Variants in GMPR observed in about 807,000 individuals in gnomAD.
GMPR encodes GMP reductase 1.
GMPR carries 31 observed loss-of-function variants against 38.4 expected under a neutral mutation model. That is an observed-to-expected ratio of 0.81 (90% CI 0.61 to 1.09). The LOEUF (loss-of-function observed/expected upper bound fraction) is 1.09. GMPR is among the 50% of genes least tolerant of loss of function. The pLI is 0.00. For missense variants in GMPR, 468 were observed against 453.7 expected, an observed-to-expected ratio of 1.03 and a Z score of -0.29; for synonymous variants, 162 against 173.3, an observed-to-expected ratio of 0.93 and a Z score of 0.51.
At chr6:16,288,158 T>C (rs557509509) in intron 7 of GMPR, among the ~76,000 whole-genome samples, 18 of 152,364 alleles carry the variant, frequency 1.2e-4, no homozygotes, top group African/African-American at 4.1e-4. Flanking sequence ...TTGGCAGCAC[T>C]TGAGGAGCCC....
At chr6:16,244,125 T>C (rs1371855607) in intron 1 of GMPR, among the ~76,000 whole-genome samples, 1 of 151,818 alleles carries the variant, frequency 6.6e-6, no homozygotes, top group African/African-American at 2.4e-5. Flanking sequence ...GGTAGGAGGT[T>C]AGAACCTATT....
rs1332210064 is a variant in GMPR, at chr6:16,290,569, A to G, written c.805A>G (p.Met269Val). 1 of 1,614,032 alleles carries G rather than the reference A, an allele frequency of 6.2e-7. No homozygotes were observed. The highest frequency in any genetic ancestry group is 8.5e-7 in the Non-Finnish European group (1 of 1,180,008). ...ACGGAAGCTCAAGCTCTTCTACGGG[A>G]TGAGCTCTGACACCGCCATGAACAA... ...NGRKLKLFYG[M>V]SSDTAMNKHA... The change falls in exon 8 of 9, where the codon ATG becomes GTG. Residue 269 changes from methionine (M) to valine (V), a missense_variant. Met to Val is a conservative substitution (Grantham distance 21). Transcript: ENST00000259727.
chr6:16,246,823 C>CTTTTTTTTT lies in GMPR; in HGVS notation c.88-18_88-10dup. ...CACTCATTTCTTTCCCTTTTTCTTT[C>CTTTTTTTTT]TTTTTTTTTGGCCAACAGGTGGATC... On this transcript the variant is annotated intron_variant, in intron 1 of 8. Transcript: ENST00000259727. 1 of 1,571,006 alleles carries CTTTTTTTTT rather than the reference C, an allele frequency of 6.4e-7. No individual in the cohort carries two copies. The highest frequency in any genetic ancestry group is 1.8e-5 in the Admixed American group (1 of 56,650).
intron 1 of GMPR, among the ~76,000 whole-genome samples, chr6:16,240,377 T>C (rs1459107276): frequency 6.6e-6 from 1 of 152,080 alleles, no homozygotes; most frequent in Non-Finnish European, 1.5e-5. Flanking sequence ...TCTACAAAAA[T>C]TTAAAAAATC....
Position 16,290,540 on chromosome 6 carries a change from A to G in GMPR, c.776A>G (p.Asn259Ser). The G allele has an allele frequency of 3.7e-6, 6 of 1,614,032 alleles. No homozygotes were observed. The African/African-American group carries it at 6.7e-5, about 18-fold the overall frequency. The change falls in exon 8 of 9, where the codon AAC becomes AGC. Residue 259 changes from asparagine to serine, a missense_variant. Coordinates refer to ENST00000259727, the MANE Select transcript of GMPR (RefSeq NM_006877.4). ...TGTGCTGGAGAAGTGTTTGAGAGGAACGGACGGAAGCTCAAGCTCTTCTAC... is the reference window on the plus strand; with the variant it reads ...TGTGCTGGAGAAGTGTTTGAGAGGAGCGGACGGAAGCTCAAGCTCTTCTAC... The part of the protein sequence containing the change: ...TECAGEVFER[N>S]GRKLKLFYGM...
intron 7 of GMPR, among the ~76,000 whole-genome samples, chr6:16,288,296 C>T (rs546793613): frequency 2.0e-5 from 3 of 152,220 alleles, no homozygotes; most frequent in Non-Finnish European, 4.4e-5. Flanking sequence ...GAGGCGCTTG[C>T]GGGCCAGCTG....
intron 7 of GMPR, 26 bp downstream of exon 7, chr6:16,285,861 G>C (rs1185273780): frequency 1.3e-6 from 2 of 1,591,248 alleles, no homozygotes; most frequent in African/African-American, 2.7e-5. Context: ...GGTGCAGAGG[G>C]AGGGAAGGAA....
intron 4 of GMPR, among the ~76,000 whole-genome samples, chr6:16,272,707 G>T (rs1473567556): frequency 2.6e-5 from 4 of 152,178 alleles, no homozygotes; most frequent in African/African-American, 9.7e-5. Flanking sequence ...TTATAGGTTT[G>T]TAAGAGCTCT....
chr6:16,288,635 A>G (rs1051455060), intron 7 of GMPR, among the ~76,000 whole-genome samples: 2 of 152,210 alleles, frequency 1.3e-5, no homozygotes, highest in African/African-American at 4.8e-5. Flanking sequence ...AGGGCTGAGG[A>G]GTGCAGGCGC....
chr6:16,258,980 AGTT>A (rs1156790596), intron 4 of GMPR: 2 of 152,196 alleles, frequency 1.3e-5, no homozygotes, highest in Non-Finnish European at 2.9e-5. Context: ...CCCTGTGCCC[AGTT>A]TCTCCTGGTT....
At chr6:16,241,297 G>C (rs1310239607) in intron 1 of GMPR, among the ~76,000 whole-genome samples, 4 of 152,172 alleles carry the variant, frequency 2.6e-5, no homozygotes, top group African/African-American at 9.7e-5. Flanking sequence ...GTTTTGCTAA[G>C]AGCCAGGCCC....
chr6:16,282,717 C>T (rs1461988066), intron 6 of GMPR, among the ~76,000 whole-genome samples: 1 of 152,158 alleles, frequency 6.6e-6, no homozygotes, highest in African/African-American at 2.4e-5. Context: ...CCATACCATC[C>T]TTCCTTTGTT....
chr6:16,294,954 C>G, intron 8 of GMPR, 52 bp from the exon 9 acceptor site: 3 of 1,461,734 alleles, frequency 2.1e-6, no homozygotes, highest in Non-Finnish European at 2.9e-6. Flanking sequence ...TAATTGGGCT[C>G]TTAAGGTGGG....
rs202138123 is a variant in GMPR at position 16,272,671 on chromosome 6, TACTC to T, written c.466-1743_466-1740del. Among the ~76,000 whole-genome samples, 12 of 152,362 alleles carry T rather than the reference TACTC, an allele frequency of 7.9e-5. No homozygotes were observed. In the East Asian group the frequency reaches 1.9e-3, roughly 24 times the overall value. On this transcript the variant is annotated intron_variant, in intron 4 of 8. Transcript: ENST00000259727. ...TAGTGTGTTCCTGTCCTTTGGCACT[TACTC>T]TGTGAGGTATTAGCGTTTTTCTTAT...
chr6:16,246,153 A>T (rs1304412825), intron 1 of GMPR, among the ~76,000 whole-genome samples: 1 of 152,158 alleles, frequency 6.6e-6, no homozygotes, highest in Non-Finnish European at 1.5e-5. Context: ...TCTATCTAGC[A>T]CGTGGCTTCT....
intron 5 of GMPR, among the ~76,000 whole-genome samples, chr6:16,277,729 G>C (rs1759499089): frequency 6.6e-6 from 1 of 152,282 alleles, no homozygotes; most frequent in South Asian, 2.1e-4. Flanking sequence ...TTGAAACTGT[G>C]ATGAACAACT....
At chr6:16,294,518 A>G (rs902057167) in intron 8 of GMPR, among the ~76,000 whole-genome samples, 2 of 152,174 alleles carry the variant, frequency 1.3e-5, no homozygotes, top group Admixed American at 6.5e-5. Context: ...GAAGCTCTGG[A>G]CTTTTCCTGT....
chr6:16,260,602 C>T lies in GMPR; in HGVS notation c.465+5867C>T, dbSNP rs371567740. ...AGGAGTAGTAGAATAGCAGATGGAA[C>T]ACTGAGAAGTTATTTCCTTGAGGAT... On this transcript the variant is annotated intron_variant, in intron 4 of 8. Coordinates refer to ENST00000259727, the MANE Select transcript of GMPR (RefSeq NM_006877.4). Among the ~76,000 whole-genome samples the T allele has an allele frequency of 2.7e-3, 408 of 152,020 alleles. 1 individual carries two copies. The highest frequency in any genetic ancestry group is 4.4e-3 in the Non-Finnish European group (299 of 68,018).
intron 4 of GMPR, among the ~76,000 whole-genome samples, chr6:16,267,790 G>A (rs895130820): frequency 3.3e-5 from 5 of 152,164 alleles, no homozygotes; most frequent in African/African-American, 1.2e-4. Context: ...AGGTGCCTGA[G>A]ATCTAATGTG....
Sources: gnomAD v4.1 joint callset for allele counts (sites outside exome capture counted in the v4.1 genomes callset) on GRCh38, gnomAD v4.1.1 for gene constraint, MANE v1.5 for transcripts, NCBI Gene and HGNC (gene_info 2026-07-23, HGNC 2026-07-21) for gene names.